The following FKBP5 variants were observed in gnomAD, a reference collection of about 807,000 sequenced individuals.
FKBP5 encodes the protein peptidyl-prolyl cis-trans isomerase FKBP5.
FKBP5 carries 23 observed loss-of-function variants against 50.5 expected under a neutral mutation model. That is an observed-to-expected ratio of 0.46 (90% CI 0.33 to 0.65). The LOEUF (loss-of-function observed/expected upper bound fraction) is 0.65, where lower values mean the gene tolerates loss of function less well. Ranked by LOEUF, FKBP5 falls within the 30% of genes least tolerant of loss-of-function variation. The pLI is 0.02. For missense variants in FKBP5, 411 were observed against 553.1 expected, an observed-to-expected ratio of 0.74 and a Z score of 2.58; for synonymous variants, 176 against 190.6, an observed-to-expected ratio of 0.92 and a Z score of 0.63.
At chr6:35,620,847 A>G (rs1005646470) in intron 3 of FKBP5, among the ~76,000 whole-genome samples, 4 of 152,254 alleles carry the variant, frequency 2.6e-5, no homozygotes, top group African/African-American at 9.6e-5. Flanking sequence ...AACATTATCC[A>G]TGAAATATGG....
At chr6:35,672,367 G>C (rs979391052) in intron 1 of FKBP5, among the ~76,000 whole-genome samples, 10 of 151,732 alleles carry the variant, frequency 6.6e-5, no homozygotes, top group African/African-American at 2.4e-4. Flanking sequence ...ATGGAAAAAA[G>C]TTTTGTATAG....
At chr6:35,583,481 T>C (rs1581784772) in intron 8 of FKBP5, 4 of 985,462 alleles carry the variant, frequency 4.1e-6, no homozygotes, top group Non-Finnish European at 4.8e-6. Context: ...ATATATATCA[T>C]GTAACTTTAT....
intron 1 of FKBP5, among the ~76,000 whole-genome samples, chr6:35,683,174 G>A (rs940633089): frequency 6.6e-5 from 8 of 120,724 alleles, no homozygotes; most frequent in Admixed American, 3.5e-4. Context: ...GTGTGTGTGT[G>A]TGTATTTGAG....
At chr6:35,584,819 G>A (rs1366825630) in intron 8 of FKBP5, 1 of 985,342 alleles carries the variant, frequency 1.0e-6, no homozygotes. Context: ...TTTTCCATGT[G>A]TGTGACTGCT....
intron 2 of FKBP5, among the ~76,000 whole-genome samples, chr6:35,716,147 G>A (rs924452003): frequency 1.3e-5 from 2 of 152,116 alleles, no homozygotes; most frequent in African/African-American, 4.8e-5. Flanking sequence ...CGAGGTAGGA[G>A]GATTGCTTGA....
At position 35,619,979 on chromosome 6, in the gene FKBP5, G is replaced by T. The variant is rs1443468952; in HGVS notation, c.393+153C>A. On this transcript the variant is annotated intron_variant, in intron 4 of 10. Transcript: ENST00000357266. ...CACTGGCACGCGCACCCTTGGGTTT[G>T]TGGGAAACAATTCAAGAAGCCATGC... Among the ~76,000 whole-genome samples the T allele has an allele frequency of 9.9e-5, 15 of 152,134 alleles. No individual in the cohort carries two copies. The East Asian group carries it at 2.9e-3, about 29-fold the overall frequency.
rs1296620239 is a variant in FKBP5 at position 35,705,250 on chromosome 6, ATATATATATTTTTTTTTTTTTT to A, written c.-20+15056_-20+15077del. Reference sequence around the variant, plus strand: ...TATATATATATATATATATATATATATATATATATTTTTTTTTTTTTTTTTTTTTTTTTGGAGACAGTGTCTC... The same window carrying A: ...TATATATATATATATATATATATATATTTTTTTTTTTGGAGACAGTGTCTC... On this transcript the variant is annotated intron_variant, in intron 2 of 11. Transcript: ENST00000536438. Among the ~76,000 whole-genome samples the A allele has an allele frequency of 1.3e-3, 6 of 4,612 alleles. No individual in the cohort carries two copies. The African/African-American group carries it at 0.018, about 14-fold the overall frequency. 3.0% of individuals were successfully genotyped at this position (4,612 alleles called of 152,430 possible).
intron 5 of FKBP5, among the ~76,000 whole-genome samples, chr6:35,614,691 A>G (rs1036694916): frequency 2.0e-5 from 3 of 152,204 alleles, no homozygotes; most frequent in African/African-American, 7.2e-5. Flanking sequence ...GATGGGAGCA[A>G]TGAGTATGCT....
At chr6:35,725,285 T>C (rs1376150533) in intron 1 of FKBP5, among the ~76,000 whole-genome samples, 1 of 152,166 alleles carries the variant, frequency 6.6e-6, no homozygotes, top group African/African-American at 2.4e-5. Flanking sequence ...TCTCTGTGAC[T>C]GACAAGGAAG....
intron 1 of FKBP5, among the ~76,000 whole-genome samples, chr6:35,683,791 C>T (rs1765747870): frequency 6.6e-6 from 1 of 151,936 alleles, no homozygotes; most frequent in Non-Finnish European, 1.5e-5. Flanking sequence ...GTGGCTCACA[C>T]CTGTAATCCC....
intron 1 of FKBP5, among the ~76,000 whole-genome samples, chr6:35,645,347 G>C (rs183557157): frequency 7.8e-4 from 119 of 152,314 alleles, no homozygotes; most frequent in Non-Finnish European, 4.1e-4. Context: ...AAGGACTATT[G>C]ATTGAGCTCA....
chr6:35,696,089 G>C (rs1766075668), intron 2 of FKBP5, among the ~76,000 whole-genome samples: 1 of 140,152 alleles, frequency 7.1e-6, no homozygotes, highest in Non-Finnish European at 1.5e-5. Flanking sequence ...AGCTTGCGGT[G>C]AACCGAGATC....
chr6:35,724,057 T>C (rs913549849), intron 1 of FKBP5, among the ~76,000 whole-genome samples: 58 of 152,338 alleles, frequency 3.8e-4, no homozygotes, highest in African/African-American at 1.3e-3. Flanking sequence ...TTAAGGCAGG[T>C]ACATTAAATG....
intron 8 of FKBP5, chr6:35,583,440 T>A (rs941613865): frequency 1.0e-6 from 1 of 985,332 alleles, no homozygotes; most frequent in Admixed American, 6.1e-5. Context: ...TTCCTTCACA[T>A]AGGGCATTTT....
chr6:35,604,506 A>G (rs1022459889), intron 5 of FKBP5, among the ~76,000 whole-genome samples: 2 of 152,210 alleles, frequency 1.3e-5, no homozygotes, highest in Non-Finnish European at 2.9e-5. Flanking sequence ...CTAGACTTAT[A>G]TCCCAGGACA....
At chr6:35,614,034 T>TAGAG (rs1403874108) in intron 5 of FKBP5, among the ~76,000 whole-genome samples, 1 of 152,160 alleles carries the variant, frequency 6.6e-6, no homozygotes. Context: ...TAGCTGGGAC[T>TAGAG]AGAGGCATGT....
chr6:35,721,954 A>G (rs1223199832), intron 1 of FKBP5, among the ~76,000 whole-genome samples: 4 of 152,080 alleles, frequency 2.6e-5, no homozygotes, highest in African/African-American at 9.7e-5. Context: ...TGCCTTGAGG[A>G]CTTTGCATGT....
chr6:35,705,468 T>G (rs1766291188), intron 2 of FKBP5, among the ~76,000 whole-genome samples: 1 of 151,236 alleles, frequency 6.6e-6, no homozygotes, highest in Non-Finnish European at 1.5e-5. Context: ...GGTTACACCA[T>G]GTTGGTCAGG....
chr6:35,583,274 T>C, intron 8 of FKBP5: 2 of 985,438 alleles, frequency 2.0e-6, no homozygotes, highest in South Asian at 9.4e-5. Context: ...CTTTTCTGAT[T>C]ATCTCCTAAT....
Sources: allele counts gnomAD v4.1 joint callset (sites outside exome capture counted in the v4.1 genomes callset), GRCh38; gene constraint gnomAD v4.1.1; transcripts MANE v1.5; gene names NCBI Gene and HGNC (gene_info 2026-07-23, HGNC 2026-07-21).